GLP1R: variants seen among roughly 807,000 people sequenced by gnomAD.
GLP1R encodes glucagon-like peptide 1 receptor.
Under a neutral mutation model 68.4 loss-of-function variants are expected in GLP1R, and 32 were observed. The ratio of observed to expected loss-of-function variants is 0.47; its 90% confidence interval spans 0.35 to 0.63. The LOEUF is 0.63. Among genes scored for constraint, GLP1R ranks in the 20% least tolerant of loss-of-function variants. GLP1R has a pLI of 0.00. For synonymous variants in GLP1R, 263 were observed against 244.4 expected (o/e 1.08, Z -0.71); for missense variants, 502 against 594.9 (o/e 0.84, Z 1.62).
chr6:39,058,309 T>C (rs1377684974), intron 3 of GLP1R, among the ~76,000 whole-genome samples: 1 of 152,106 alleles, frequency 6.6e-6, no homozygotes, highest in Non-Finnish European at 1.5e-5. Flanking sequence ...CCTCACTCTT[T>C]AGAGGTTCAC....
intron 7 of GLP1R, among the ~76,000 whole-genome samples, chr6:39,073,996 C>T (rs893045727): frequency 2.6e-5 from 4 of 152,164 alleles, no homozygotes; most frequent in South Asian, 4.1e-4. Context: ...AAGCCTCCAC[C>T]GCATGTGGCC....
intron 1 of GLP1R, among the ~76,000 whole-genome samples, chr6:39,054,603 G>T (rs1431921977): frequency 6.6e-6 from 1 of 152,178 alleles, no homozygotes; most frequent in African/African-American, 2.4e-5. Context: ...GGCCTTCATG[G>T]CGCTGTCGTT....
intron 2 of GLP1R, among the ~76,000 whole-genome samples, chr6:39,057,230 A>G (rs1385307707): frequency 6.6e-6 from 1 of 152,142 alleles, no homozygotes; most frequent in Admixed American, 6.5e-5. Flanking sequence ...GGCTGGAAAT[A>G]CTCCTGTTTT....
In GLP1R at chr6:39,089,463, C is replaced by T. The variant is rs755464489; in HGVS notation, c.*3390C>T. Reference sequence around the variant, plus strand: ...AAAGATGGCACAGCACCACAAAGGGCAAATGGAGTCAACTCCCTTCCATGC... The same window carrying T: ...AAAGATGGCACAGCACCACAAAGGGTAAATGGAGTCAACTCCCTTCCATGC... On this transcript the variant is annotated 3_prime_UTR_variant, in exon 13 of 13. Transcript: ENST00000373256. The surrounding 1 kb of genome is among the most constrained non-coding windows in gnomAD (Gnocchi z 4.1). Among the ~76,000 whole-genome samples, 1 of 152,014 alleles carries T rather than the reference C, an allele frequency of 6.6e-6. No individual in the cohort carries two copies. Among genetic ancestry groups the T allele is most frequent in the South Asian group, 2.1e-4 (1 of 4,828 alleles).
In GLP1R at chr6:39,057,049, C is replaced by T. The variant is rs10305440; in HGVS notation, c.176-423C>T. The stretch of plus-strand genomic sequence containing the variant: ...TGAAATCCTGACTGTAATTATAACA[C>T]GTGACCTAAAGAAGGTTATCTTAAG... On this transcript the variant is annotated intron_variant, in intron 2 of 12. Transcript: ENST00000373256. 2.7e-3 allele frequency among the ~76,000 whole-genome samples: 415 copies of T among 152,298 alleles called. 1 individual carries two copies. Among genetic ancestry groups the T allele is most frequent in the Non-Finnish European group, 4.3e-3 (290 of 68,028 alleles).
At chr6:39,082,785 G>C (rs553598064) in intron 12 of GLP1R, among the ~76,000 whole-genome samples, 30 of 152,192 alleles carry the variant, frequency 2.0e-4, no homozygotes, top group African/African-American at 6.7e-4. Context: ...ATCCTGTGTG[G>C]GGATGAGGAG....
intron 3 of GLP1R, among the ~76,000 whole-genome samples, chr6:39,064,384 A>G (rs552472700): frequency 1.0e-3 from 158 of 152,144 alleles, no homozygotes; most frequent in Middle Eastern, 0.01. Flanking sequence ...TGCCTTCTCC[A>G]TTCTCTGGCC....
chr6:39,068,715 C>A (rs2150829521), intron 5 of GLP1R, among the ~76,000 whole-genome samples: 1 of 152,308 alleles, frequency 6.6e-6, no homozygotes, highest in South Asian at 2.1e-4. Context: ...AGCCAAGGAG[C>A]ACTGCACCCA....
intron 5 of GLP1R, among the ~76,000 whole-genome samples, chr6:39,067,667 G>C (rs948714400): frequency 6.6e-6 from 1 of 152,002 alleles, no homozygotes; most frequent in East Asian, 1.9e-4. Context: ...TCTGCCCCTG[G>C]CCCCCCCAAA....
At position 39,079,429 on chromosome 6, in the gene GLP1R, C is replaced by T; in HGVS notation, c.1044-135C>T. On this transcript the variant is annotated intron_variant, in intron 10 of 12. Coordinates refer to ENST00000373256, the MANE Select transcript of GLP1R (RefSeq NM_002062.5). This position sits in a 1 kb window ranked among gnomAD's most constrained non-coding sequence, Gnocchi z 4.5. The stretch of plus-strand genomic sequence containing the variant: ...ATTCTTTCCCTCCAGGCAGCCTGTC[C>T]CAGGGTATTTGGGGTGGGAGAACAT... The T allele has an allele frequency of 1.0e-6, 1 of 968,328 alleles. No individual in the cohort carries two copies. The allele number at this position is 968,328 out of a possible 1,614,324, so 60.0% of individuals were successfully genotyped here. A position where few individuals can be genotyped will look rare whatever the true frequency, so the allele number is the denominator to read the frequency against.
Position 39,086,295 on chromosome 6 carries a change from A to G in GLP1R, c.*222A>G. On this transcript the variant is annotated 3_prime_UTR_variant, in exon 13 of 13. Transcript: ENST00000373256. The surrounding 1 kb of genome is among the most constrained non-coding windows in gnomAD (Gnocchi z 4.5). ...GGACACATTTTCTCCTAGGAGAAGC[A>G]GCCTCCTAATTTGATCACAGTGGCG... is the stretch of plus-strand genomic sequence containing the variant. The G allele has an allele frequency of 2.1e-6, 1 of 487,238 alleles. No individual in the cohort carries two copies. Among genetic ancestry groups the G allele is most frequent in the South Asian group, 4.1e-5 (1 of 24,582 alleles). 30.2% of individuals were successfully genotyped at this position (487,238 alleles called of 1,614,324 possible).
intron 5 of GLP1R, among the ~76,000 whole-genome samples, chr6:39,068,134 A>G (rs1768564321): frequency 6.6e-6 from 1 of 152,370 alleles, no homozygotes; most frequent in Non-Finnish European, 1.5e-5. Context: ...CAAATAAAAA[A>G]AGAGAGAAAT....
chr6:39,077,815 T>C (rs1230376290), intron 7 of GLP1R, among the ~76,000 whole-genome samples: 1 of 152,202 alleles, frequency 6.6e-6, no homozygotes, highest in African/African-American at 2.4e-5. Flanking sequence ...CCTGTCTCCA[T>C]TCCAGGATTC....
rs57473072 is a variant in GLP1R, at chr6:39,051,894, TGG to T, written c.78+2986_78+2987del. 6.2e-5 allele frequency among the ~76,000 whole-genome samples: 7 copies of T among 112,754 alleles called. No homozygotes were observed. The East Asian group carries it at 8.8e-4, about 14-fold the overall frequency. The allele number at this position is 112,754 out of a possible 152,430, so 74.0% of individuals were successfully genotyped here. On this transcript the variant is annotated intron_variant, in intron 1 of 12. Transcript: ENST00000373256. The stretch of plus-strand genomic sequence containing the variant: ...CTGTGGGAGGGTCTGTGTGTGTGTG[TGG>T]GGGGGGGGGCATCTTGGTGTGTGAA...
At position 39,072,848 on chromosome 6, in the gene GLP1R, G is replaced by A; in HGVS notation, c.510-14G>A. The A allele has an allele frequency of 6.2e-7, 1 of 1,611,462 alleles. No homozygotes were observed. The highest frequency in any genetic ancestry group is 8.5e-7 in the Non-Finnish European group (1 of 1,178,358). On this transcript the variant is annotated splice_polypyrimidine_tract_variant and intron_variant, in intron 5 of 12. Transcript: ENST00000373256. ...GGCTGCCTTGCCAGGGAAAGGCCCT[G>A]CTTTCTCCCTCAGACACCTGCACTG...
intron 1 of GLP1R, among the ~76,000 whole-genome samples, chr6:39,050,482 G>A (rs1253668344): frequency 6.6e-6 from 1 of 152,130 alleles, no homozygotes; most frequent in African/African-American, 2.4e-5. Context: ...ACTTTCCTCT[G>A]ATCCGATTTT....
In GLP1R at chr6:39,057,387, G is replaced by T. The variant is rs371814608; in HGVS notation, c.176-85G>T. On this transcript the variant is annotated intron_variant, in intron 2 of 12. Coordinates refer to ENST00000373256, the MANE Select transcript of GLP1R (RefSeq NM_002062.5). ...GAGGTTAGTGGCATGCAGCCTCCGA[G>T]GAGGGGAGGGGTCTTGGGGAAGGGA... 7.1e-5 allele frequency: 59 copies of T among 835,074 alleles called. 1 individual carries two copies. In the East Asian group the frequency reaches 1.3e-3, roughly 19 times the overall value. 51.7% of individuals were successfully genotyped at this position (835,074 alleles called of 1,614,324 possible).
chr6:39,084,479 A>C (rs2150839475), intron 12 of GLP1R, among the ~76,000 whole-genome samples: 1 of 152,216 alleles, frequency 6.6e-6, no homozygotes, highest in East Asian at 1.9e-4. Flanking sequence ...TCAGTTTACC[A>C]TCTTTCCCCC....
intron 11 of GLP1R, 145 bp from the exon 12 acceptor site, chr6:39,080,553 A>C: frequency 1.7e-6 from 1 of 588,658 alleles, no homozygotes; most frequent in Non-Finnish European, 3.0e-6. Context: ...GAGGGAAGCC[A>C]CTGCCCCATT....
Sources: allele counts gnomAD v4.1 joint callset (sites outside exome capture counted in the v4.1 genomes callset), GRCh38; gene constraint gnomAD v4.1.1; non-coding constraint Gnocchi (gnomAD v3.1); transcripts MANE v1.5; gene names NCBI Gene and HGNC (gene_info 2026-07-23, HGNC 2026-07-21).